The following CSGALNACT1 variants were observed in gnomAD, a reference collection of about 807,000 sequenced individuals.
CSGALNACT1 encodes the protein chondroitin sulfate N-acetylgalactosaminyltransferase 1.
Under a neutral mutation model 51.0 loss-of-function variants are expected in CSGALNACT1, and 52 were observed. That is an observed-to-expected ratio of 1.02 (90% CI 0.82 to 1.29). The LOEUF (loss-of-function observed/expected upper bound fraction) is 1.29. CSGALNACT1 is among the 50% of genes most tolerant of loss of function. The probability of loss-of-function intolerance (pLI) is 0.00; values close to 1 mark genes in which losing one functional copy is unlikely to be tolerated. For synonymous variants in CSGALNACT1, 341 were observed against 254.4 expected, an observed-to-expected ratio of 1.34 and a Z score of -3.24; for missense variants, 935 against 679.2, an observed-to-expected ratio of 1.38 and a Z score of -4.19.
intron 1 of CSGALNACT1, among the ~76,000 whole-genome samples, chr8:19,620,430 C>CTTT (rs35123924): frequency 0.086 from 12,175 of 142,028 alleles, 541 homozygotes; most frequent in Middle Eastern, 0.12. Context: ...GGAAAAGAAT[C>CTTT]TTTTTTTTTT....
At chr8:19,527,292 G>A (rs927045145) in intron 3 of CSGALNACT1, among the ~76,000 whole-genome samples, 9 of 152,102 alleles carry the variant, frequency 5.9e-5, no homozygotes, top group African/African-American at 1.9e-4. Flanking sequence ...GGAGGAGAAG[G>A]TTAGCCAGGA....
rs34787475 is a variant in CSGALNACT1, at chr8:19,525,615, C to CAAAAAA, written c.-296-19491_-296-19486dup. Among the ~76,000 whole-genome samples, 172 of 20,380 alleles carry CAAAAAA rather than the reference C, an allele frequency of 8.4e-3. 36 individuals are homozygous for CAAAAAA. Among genetic ancestry groups the CAAAAAA allele is most frequent in the African/African-American group, 0.013 (80 of 6,088 alleles). The allele number at this position is 20,380 out of a possible 152,430, so 13.4% of individuals were successfully genotyped here. A position where few individuals can be genotyped will look rare whatever the true frequency, so the allele number is the denominator to read the frequency against. On this transcript the variant is annotated intron_variant, in intron 3 of 9. Transcript: ENST00000454498. ...CTGGCTGACAGAGGGAAACTTGTCC[C>CAAAAAA]AAAAAAAAAAAAAAAAAAAAAAAAA...
rs1400502207 is a variant in CSGALNACT1 at position 19,531,551 on chromosome 8, CAACT to C, written c.-296-25425_-296-25422del. On this transcript the variant is annotated intron_variant, in intron 3 of 9. Coordinates refer to ENST00000454498, the Ensembl canonical transcript of CSGALNACT1. ...TCCTGTTTCTAACACCACCGCTTAC[CAACT>C]AAGTAACCTTGGCAAATCACTAAAG... Among the ~76,000 whole-genome samples, 9 of 152,320 alleles carry C rather than the reference CAACT, an allele frequency of 5.9e-5. No individual in the cohort carries two copies. The East Asian group carries it at 1.7e-3, about 29-fold the overall frequency.
chr8:19,478,410 T>C (rs1472063302), intron 4 of CSGALNACT1, among the ~76,000 whole-genome samples: 4 of 65,034 alleles, frequency 6.2e-5, no homozygotes, highest in Non-Finnish European at 1.1e-4. Flanking sequence ...CGAGACTCCG[T>C]CTCAAAAAAA....
chr8:19,599,157 T>G (rs531004558), intron 2 of CSGALNACT1, among the ~76,000 whole-genome samples: 5 of 149,474 alleles, frequency 3.3e-5, no homozygotes, highest in South Asian at 2.2e-4. Context: ...AGAGCTAGTG[T>G]CAGGGGAGGG....
At chr8:19,693,248 A>T (rs1263082061) in intron 1 of CSGALNACT1, among the ~76,000 whole-genome samples, 2 of 151,972 alleles carry the variant, frequency 1.3e-5, no homozygotes, top group Non-Finnish European at 2.9e-5. Flanking sequence ...TATCTCCAGC[A>T]GTGGCCTTTT....
intron 1 of CSGALNACT1, among the ~76,000 whole-genome samples, chr8:19,623,179 C>T (rs1157549627): frequency 6.6e-6 from 1 of 152,164 alleles, no homozygotes; most frequent in East Asian, 1.9e-4. Context: ...TCAAACTAGA[C>T]TTTAAGGGAA....
intron 1 of CSGALNACT1, among the ~76,000 whole-genome samples, chr8:19,728,870 C>T (rs971295399): frequency 6.6e-6 from 1 of 151,990 alleles, no homozygotes; most frequent in Non-Finnish European, 1.5e-5. Context: ...TGGCATAAGA[C>T]CTTTGAGAAG....
chr8:19,490,208 C>G (rs1454994543), intron 4 of CSGALNACT1, among the ~76,000 whole-genome samples: 1 of 152,132 alleles, frequency 6.6e-6, no homozygotes, highest in African/African-American at 2.4e-5. Context: ...TCTAAAAATA[C>G]AGCACATAAT....
intron 3 of CSGALNACT1, among the ~76,000 whole-genome samples, chr8:19,525,571 C>T (rs964064793): frequency 2.5e-5 from 3 of 119,902 alleles, no homozygotes; most frequent in African/African-American, 9.4e-5. Flanking sequence ...GAGCTGAGAT[C>T]ATGCCACTGC....
intron 1 of CSGALNACT1, among the ~76,000 whole-genome samples, chr8:19,618,953 A>G (rs780758532): frequency 6.6e-6 from 1 of 152,140 alleles, no homozygotes; most frequent in African/African-American, 2.4e-5. Flanking sequence ...TAAAACAGGC[A>G]AATCTCTCAT....
At chr8:19,452,888 T>C (rs1019302245) in intron 5 of CSGALNACT1, among the ~76,000 whole-genome samples, 1 of 152,192 alleles carries the variant, frequency 6.6e-6, no homozygotes, top group Non-Finnish European at 1.5e-5. Context: ...CCCTGGGGGT[T>C]CTTCCTCTCC....
chr8:19,504,000 A>G (rs1396113416), intron 4 of CSGALNACT1, among the ~76,000 whole-genome samples: 1 of 152,246 alleles, frequency 6.6e-6, no homozygotes, highest in Admixed American at 6.5e-5. Flanking sequence ...TTTTGCCTGT[A>G]GGCCCATGAG....
intron 3 of CSGALNACT1, among the ~76,000 whole-genome samples, chr8:19,586,133 C>G (rs936661463): frequency 6.6e-6 from 1 of 152,008 alleles, no homozygotes; most frequent in Non-Finnish European, 1.5e-5. Flanking sequence ...GAGGGCAAGG[C>G]GGGCAGATCA....
At chr8:19,561,916 T>C (rs1338876874) in intron 3 of CSGALNACT1, among the ~76,000 whole-genome samples, 1 of 152,010 alleles carries the variant, frequency 6.6e-6, no homozygotes, top group African/African-American at 2.4e-5. Context: ...GGGATTGCTA[T>C]TTCAGCATGC....
At chr8:19,634,029 A>T (rs751180208) in intron 1 of CSGALNACT1, among the ~76,000 whole-genome samples, 1 of 152,112 alleles carries the variant, frequency 6.6e-6, no homozygotes, top group Non-Finnish European at 1.5e-5. Context: ...TCTACGGAAA[A>T]CCCATAAAGC....
At chr8:19,475,929 C>G (rs2069489672) in intron 4 of CSGALNACT1, among the ~76,000 whole-genome samples, 1 of 152,150 alleles carries the variant, frequency 6.6e-6, no homozygotes, top group Non-Finnish European at 1.5e-5. Flanking sequence ...ATTCTCAAAG[C>G]CTCCATTTCC....
At chr8:19,528,776 A>G (rs1036703360) in intron 3 of CSGALNACT1, among the ~76,000 whole-genome samples, 2 of 152,184 alleles carry the variant, frequency 1.3e-5, no homozygotes, top group Admixed American at 6.5e-5. Context: ...AGCGTGTCCA[A>G]CTACAGAGTG....
chr8:19,541,056 A>C (rs1260516557), intron 3 of CSGALNACT1, among the ~76,000 whole-genome samples: 1 of 151,978 alleles, frequency 6.6e-6, no homozygotes, highest in African/African-American at 2.4e-5. Context: ...GCATGTGGCA[A>C]AATTATACTA....
Sources: allele counts gnomAD v4.1 joint callset (sites outside exome capture counted in the v4.1 genomes callset), GRCh38; gene constraint gnomAD v4.1.1; transcripts MANE v1.5; gene names NCBI Gene and HGNC (gene_info 2026-07-23, HGNC 2026-07-21).